The following KCNQ1 variants were observed in gnomAD, a reference collection of about 807,000 sequenced individuals.
The protein encoded by KCNQ1 is potassium voltage-gated channel subfamily Q member 1.
In KCNQ1, 49 loss-of-function variants were observed where a neutral mutation model predicts 72.4. That is an observed-to-expected ratio of 0.68 (90% CI 0.54 to 0.86). KCNQ1 has a LOEUF of 0.86. KCNQ1 is among the 40% of genes least tolerant of loss of function. The pLI is 0.00. For synonymous variants in KCNQ1, 450 were observed against 412.6 expected (o/e 1.09, Z -1.10); for missense variants, 790 against 945.1 (o/e 0.84, Z 2.15).
At chr11:2,825,321 C>T (rs772882256) in intron 15 of KCNQ1, among the ~76,000 whole-genome samples, 1 of 152,208 alleles carries the variant, frequency 6.6e-6, no homozygotes, top group African/African-American at 2.4e-5. Flanking sequence ...AAGGGAGGCC[C>T]GCAGCCCAGA....
At chr11:2,726,899 C>T (rs1047173976) in intron 11 of KCNQ1, among the ~76,000 whole-genome samples, 2 of 152,150 alleles carry the variant, frequency 1.3e-5, no homozygotes, top group African/African-American at 4.8e-5. Flanking sequence ...ACACTTGAAG[C>T]CCAAAAGCAG....
chr11:2,753,193 T>C (rs1276440360), intron 11 of KCNQ1, among the ~76,000 whole-genome samples: 1 of 152,098 alleles, frequency 6.6e-6, no homozygotes, highest in African/African-American at 2.4e-5. Flanking sequence ...ACATGAGCAG[T>C]AGGAAGCCAT....
chr11:2,818,407 A>G lies in KCNQ1; in HGVS notation c.1795-29360A>G, dbSNP rs1429637331. ...AAGGCCCCCACAGAGTGTGCATCCT[A>G]AGGTGGTTCAGAGGTCCTCAGAAAG... On this transcript the variant is annotated intron_variant, in intron 15 of 15. Coordinates refer to ENST00000155840, the MANE Select transcript of KCNQ1 (RefSeq NM_000218.3). The surrounding 1 kb of genome is among the most constrained non-coding windows in gnomAD (Gnocchi z 7.2). Among the ~76,000 whole-genome samples, 1 of 152,130 alleles carries G rather than the reference A, an allele frequency of 6.6e-6. No individual in the cohort carries two copies. The highest frequency in any genetic ancestry group is 1.9e-4 in the East Asian group (1 of 5,190).
At chr11:2,523,215 G>T (rs4930120) in intron 1 of KCNQ1, among the ~76,000 whole-genome samples, 1 of 150,178 alleles carries the variant, frequency 6.7e-6, no homozygotes, top group African/African-American at 2.5e-5. Flanking sequence ...TTTTTTTGTG[G>T]TGGAGTCTTG....
At chr11:2,528,858 C>T (rs371223038) in intron 2 of KCNQ1, among the ~76,000 whole-genome samples, 55 of 152,360 alleles carry the variant, frequency 3.6e-4, no homozygotes, top group African/African-American at 1.3e-3. Flanking sequence ...CCCGTCCCTC[C>T]GGGGTCCAGA....
Position 2,613,568 on chromosome 11 carries a change from A to G in KCNQ1, c.1393+24714A>G, listed in dbSNP as rs1011168426. ...CCTGCTATTCTTAGGAAGGCTTAAT[A>G]TTTTTTCTTTAATTAGCACTTTTCA... is the stretch of plus-strand genomic sequence containing the variant. On this transcript the variant is annotated intron_variant, in intron 10 of 15. Coordinates refer to ENST00000155840, the MANE Select transcript of KCNQ1 (RefSeq NM_000218.3). This position sits in a 1 kb window ranked among gnomAD's most constrained non-coding sequence, Gnocchi z 4.8. The G allele has an allele frequency of 1.0e-5, 4 of 398,144 alleles. No homozygotes were observed. The highest frequency in any genetic ancestry group is 4.4e-5 in the Admixed American group (1 of 22,698). 24.7% of individuals were successfully genotyped at this position (398,144 alleles called of 1,614,324 possible).
At chr11:2,795,055 G>A (rs1198512385) in intron 15 of KCNQ1, among the ~76,000 whole-genome samples, 1 of 152,152 alleles carries the variant, frequency 6.6e-6, no homozygotes, top group Non-Finnish European at 1.5e-5. Flanking sequence ...GTTGGCGGGG[G>A]TCCAAGGGGT....
At position 2,817,588 on chromosome 11, in the gene KCNQ1, A is replaced by G. The variant is rs2134049678; in HGVS notation, c.1795-30179A>G. 6.7e-6 allele frequency among the ~76,000 whole-genome samples: 1 copy of G among 148,454 alleles called. No homozygotes were observed. Among genetic ancestry groups the G allele is most frequent in the African/African-American group, 2.5e-5 (1 of 40,672 alleles). The stretch of plus-strand genomic sequence containing the variant: ...ACGGCTTCAGATGATGTCCCTGGCC[A>G]GGGAGGTGGAGGACGCTGGGCAGAG... On this transcript the variant is annotated intron_variant, in intron 15 of 15. Transcript: ENST00000155840. This position sits in a 1 kb window ranked among gnomAD's most constrained non-coding sequence, Gnocchi z 6.1.
chr11:2,777,461 G>A (rs940745659), intron 14 of KCNQ1: 4 of 531,340 alleles, frequency 7.5e-6, no homozygotes, highest in Non-Finnish European at 1.3e-5. Flanking sequence ...CTGGGGGCTG[G>A]TTTTCTGGCT....
At chr11:2,739,495 C>CA (rs962875205) in intron 11 of KCNQ1, among the ~76,000 whole-genome samples, 4 of 152,084 alleles carry the variant, frequency 2.6e-5, no homozygotes, top group Admixed American at 6.5e-5. Flanking sequence ...TTTTATTACG[C>CA]AAAAAAGGAC....
In KCNQ1 at chr11:2,673,106, G is replaced by A; in HGVS notation, c.1514+11025G>A. 2.5e-6 allele frequency: 1 copy of A among 398,936 alleles called. No individual in the cohort carries two copies. The highest frequency in any genetic ancestry group is 4.4e-6 in the Non-Finnish European group (1 of 226,280). 24.7% of individuals were successfully genotyped at this position (398,936 alleles called of 1,614,324 possible). ...TAGGCCTTCACGGTACTCAGCAGGA[G>A]ACCCCAGCAGGCAGCATCAGGGCAG... On this transcript the variant is annotated intron_variant, in intron 11 of 15. Coordinates refer to ENST00000155840, the MANE Select transcript of KCNQ1 (RefSeq NM_000218.3). The surrounding 1 kb of genome is among the most constrained non-coding windows in gnomAD (Gnocchi z 4.5).
chr11:2,801,815 G>T (rs1847272222), intron 15 of KCNQ1, among the ~76,000 whole-genome samples: 1 of 152,196 alleles, frequency 6.6e-6, no homozygotes, highest in Non-Finnish European at 1.5e-5. Context: ...GCCTCTCAGG[G>T]CCACGCCCAC....
chr11:2,568,946 G>A (rs1848286015), intron 2 of KCNQ1, among the ~76,000 whole-genome samples: 1 of 152,216 alleles, frequency 6.6e-6, no homozygotes, highest in African/African-American at 2.4e-5. Context: ...GTACAATGGT[G>A]TGATCTCGGC....
chr11:2,490,483 G>T (rs1436920538), intron 1 of KCNQ1, among the ~76,000 whole-genome samples: 2 of 152,150 alleles, frequency 1.3e-5, no homozygotes, highest in Non-Finnish European at 2.9e-5. Flanking sequence ...ACCCAGTGAT[G>T]TGTTGGCTTC....
In KCNQ1 at chr11:2,647,207, C is replaced by G. The variant is rs1217640514; in HGVS notation, c.1394-14754C>G. The G allele has an allele frequency of 2.5e-6, 1 of 398,132 alleles. No homozygotes were observed. Among genetic ancestry groups the G allele is most frequent in the Non-Finnish European group, 4.4e-6 (1 of 225,984 alleles). The allele number at this position is 398,132 out of a possible 1,614,324, so 24.7% of individuals were successfully genotyped here. On this transcript the variant is annotated intron_variant, in intron 10 of 15. Coordinates refer to ENST00000155840, the MANE Select transcript of KCNQ1 (RefSeq NM_000218.3). The surrounding 1 kb of genome is among the most constrained non-coding windows in gnomAD (Gnocchi z 4.0). ...AAGAGATTTTGAATTTTATCAGATG[C>G]TTTTTCTGCATCTATTGAGATGATC... is the stretch of plus-strand genomic sequence containing the variant.
rs183318539 is a variant in KCNQ1, at chr11:2,559,938, C to T, written c.478-10690C>T. On this transcript the variant is annotated intron_variant, in intron 2 of 15. Transcript: ENST00000155840. This position sits in a 1 kb window ranked among gnomAD's most constrained non-coding sequence, Gnocchi z 4.9. The stretch of plus-strand genomic sequence containing the variant: ...TTCCTGGGTGTGTCTTCCTGCAGGG[C>T]CAGGACCCCCAGAGTGTTCCAGTGA... Among the ~76,000 whole-genome samples, 295 of 151,730 alleles carry T rather than the reference C, an allele frequency of 1.9e-3. 2 individuals carry two copies. The highest frequency in any genetic ancestry group is 7.0e-3 in the African/African-American group (290 of 41,340).
At chr11:2,590,937 A>G (rs1848662685) in intron 10 of KCNQ1, among the ~76,000 whole-genome samples, 1 of 152,204 alleles carries the variant, frequency 6.6e-6, no homozygotes, top group Admixed American at 6.5e-5. Flanking sequence ...CCCTGGCATC[A>G]CCACAGGTCA....
intron 15 of KCNQ1, among the ~76,000 whole-genome samples, chr11:2,799,291 A>G (rs1408777108): frequency 6.6e-6 from 1 of 152,184 alleles, no homozygotes; most frequent in Non-Finnish European, 1.5e-5. Context: ...GTGGGCCAGG[A>G]GGTCACTGTT....
chr11:2,626,798 G>C lies in KCNQ1; in HGVS notation c.1394-35163G>C, dbSNP rs1316897241. ...CCACCTCAGCCTTCAAAAGTGCTGA[G>C]ATTACAGGTGTAGGCCATTGTACCT... On this transcript the variant is annotated intron_variant, in intron 10 of 15. Coordinates refer to ENST00000155840, the MANE Select transcript of KCNQ1 (RefSeq NM_000218.3). The surrounding 1 kb of genome is among the most constrained non-coding windows in gnomAD (Gnocchi z 4.0). 2.5e-6 allele frequency: 1 copy of C among 398,488 alleles called. No individual in the cohort carries two copies. Among genetic ancestry groups the C allele is most frequent in the African/African-American group, 2.1e-5 (1 of 48,608 alleles). 24.7% of individuals were successfully genotyped at this position (398,488 alleles called of 1,614,324 possible). A position where few individuals can be genotyped will look rare whatever the true frequency, so the allele number is the denominator to read the frequency against.
Sources: gnomAD v4.1 joint callset for allele counts (sites outside exome capture counted in the v4.1 genomes callset) on GRCh38, gnomAD v4.1.1 for gene constraint, Gnocchi (gnomAD v3.1) non-coding constraint, MANE v1.5 for transcripts, NCBI Gene and HGNC (gene_info 2026-07-23, HGNC 2026-07-21) for gene names.